DPF3: variants seen among roughly 807,000 people sequenced by gnomAD.
DPF3 encodes double PHD fingers 3.
Under a neutral mutation model 56.8 loss-of-function variants are expected in DPF3, and 18 were observed. That is an observed-to-expected ratio of 0.32 (90% confidence interval 0.22 to 0.47). The LOEUF (loss-of-function observed/expected upper bound fraction) is 0.47. Among genes scored for constraint, DPF3 ranks in the 20% least tolerant of loss-of-function variants. The pLI is 1.00. For missense variants in DPF3, 403 were observed against 488.8 expected (o/e 0.82, Z 1.65); for synonymous variants, 188 against 180.2 (o/e 1.04, Z -0.35).
chr14:72,746,483 T>G (rs1231012729), intron 3 of DPF3, among the ~76,000 whole-genome samples: 1 of 152,198 alleles, frequency 6.6e-6, no homozygotes, highest in Non-Finnish European at 1.5e-5. Context: ...GTTGTTTCTG[T>G]GTTTTTAGCA....
chr14:72,694,533 T>C (rs764675972), intron 6 of DPF3, among the ~76,000 whole-genome samples: 1 of 152,258 alleles, frequency 6.6e-6, no homozygotes, highest in African/African-American at 2.4e-5. Flanking sequence ...AGTCATCTTA[T>C]CCAATACCCT....
chr14:72,685,530 G>GA (rs796800828), intron 7 of DPF3, among the ~76,000 whole-genome samples: 1 of 152,164 alleles, frequency 6.6e-6, no homozygotes, highest in Non-Finnish European at 1.5e-5. Flanking sequence ...AACAAGGCAG[G>GA]AAAAATCAAA....
intron 1 of DPF3, chr14:72,892,587 T>C: frequency 3.2e-6 from 4 of 1,262,794 alleles, no homozygotes; most frequent in Non-Finnish European, 4.0e-6. Context: ...AGGAACCCCC[T>C]ACCGTCCCCG....
At chr14:72,639,198 A>G (rs1169735795) in intron 8 of DPF3, among the ~76,000 whole-genome samples, 3 of 152,218 alleles carry the variant, frequency 2.0e-5, no homozygotes, top group African/African-American at 7.2e-5. Flanking sequence ...TAGAAAAATA[A>G]TTCCACTTAA....
At chr14:72,689,256 A>G (rs1038095331) in intron 7 of DPF3, among the ~76,000 whole-genome samples, 5 of 152,154 alleles carry the variant, frequency 3.3e-5, no homozygotes, top group African/African-American at 1.2e-4. Context: ...AAAGGTCGCT[A>G]CTGCTGCAGG....
At chr14:72,651,171 C>T (rs1885896633) in intron 8 of DPF3, among the ~76,000 whole-genome samples, 1 of 152,228 alleles carries the variant, frequency 6.6e-6, no homozygotes, top group Admixed American at 6.5e-5. Context: ...TGCAGCATGG[C>T]CCTGGCCCCT....
chr14:72,736,638 G>A (rs1889903835), intron 3 of DPF3, among the ~76,000 whole-genome samples: 1 of 152,098 alleles, frequency 6.6e-6, no homozygotes, highest in African/African-American at 2.4e-5. Context: ...CCAGAATGAA[G>A]GAGGAAGAAA....
At position 72,619,894 on chromosome 14, in the gene DPF3, C is replaced by A; in HGVS notation, c.1066+9G>T. The A allele has an allele frequency of 6.5e-7, 1 of 1,528,308 alleles. No individual in the cohort carries two copies. 94.7% of individuals were successfully genotyped at this position (1,528,308 alleles called of 1,614,324 possible). On this transcript the variant is annotated intron_variant, in intron 10 of 10. Transcript: ENST00000556509. ...TTGCTGTTCTTATTGTTGACTTCAT[C>A]ATCATTACCTTCTGGGGGCTCAGCC...
At chr14:72,763,426 A>G (rs1236158089) in intron 2 of DPF3, among the ~76,000 whole-genome samples, 5 of 152,164 alleles carry the variant, frequency 3.3e-5, no homozygotes, top group Non-Finnish European at 7.4e-5. Context: ...AACAGAACTG[A>G]GAGTCCAGAA....
In DPF3 at chr14:72,617,995, G is replaced by A. The variant is rs1379853982; in HGVS notation, c.*1302C>T. ...CAGCCCAATCCGCTCCAGCCCTCGGGGCTATCTTCCAACACACAGAGTTCT... is the reference window on the plus strand; with the variant it reads ...CAGCCCAATCCGCTCCAGCCCTCGGAGCTATCTTCCAACACACAGAGTTCT... On this transcript the variant is annotated 3_prime_UTR_variant, in exon 11 of 11. Transcript: ENST00000556509. Among the ~76,000 whole-genome samples, 1 of 151,940 alleles carries A rather than the reference G, an allele frequency of 6.6e-6. No individual in the cohort carries two copies. Among genetic ancestry groups the A allele is most frequent in the Non-Finnish European group, 1.5e-5 (1 of 68,002 alleles).
At chr14:72,659,292 C>T (rs775244731) in intron 8 of DPF3, among the ~76,000 whole-genome samples, 40 of 152,206 alleles carry the variant, frequency 2.6e-4, no homozygotes, top group Non-Finnish European at 2.5e-4. Flanking sequence ...TACATGTTTC[C>T]GAGTGGATGA....
At chr14:72,807,276 A>G (rs1016098486) in intron 1 of DPF3, among the ~76,000 whole-genome samples, 2 of 152,256 alleles carry the variant, frequency 1.3e-5, no homozygotes, top group Admixed American at 6.5e-5. Context: ...TTTCCCATCA[A>G]TAAAATGAGA....
chr14:72,810,652 T>C (rs912094038), intron 1 of DPF3, among the ~76,000 whole-genome samples: 5 of 152,050 alleles, frequency 3.3e-5, no homozygotes, highest in Admixed American at 6.5e-5. Flanking sequence ...AATCCAAGAA[T>C]GGCAGTAGAA....
chr14:72,640,363 G>A (rs8010472), intron 8 of DPF3, among the ~76,000 whole-genome samples: 6,818 of 152,292 alleles, frequency 0.045, 537 homozygotes, highest in African/African-American at 0.16. Flanking sequence ...GAAGGCAGAT[G>A]TGTTGGAGAT....
chr14:72,724,777 C>T (rs1041483007), intron 4 of DPF3, among the ~76,000 whole-genome samples: 3 of 150,962 alleles, frequency 2.0e-5, no homozygotes, highest in Non-Finnish European at 2.9e-5. Flanking sequence ...GGCACAATCA[C>T]GGCTCAATGC....
At chr14:72,716,635 A>C (rs1236240075) in intron 5 of DPF3, among the ~76,000 whole-genome samples, 4 of 152,046 alleles carry the variant, frequency 2.6e-5, no homozygotes, top group Non-Finnish European at 5.9e-5. Flanking sequence ...CATGGTGGAG[A>C]CCATGTTTAT....
chr14:72,756,807 T>TGAAA lies in DPF3; in HGVS notation c.194-3440_194-3437dup, dbSNP rs1292830444. Among the ~76,000 whole-genome samples the TGAAA allele has an allele frequency of 4.2e-3, 368 of 87,014 alleles. 2 individuals are homozygous for TGAAA. Among genetic ancestry groups the TGAAA allele is most frequent in the African/African-American group, 0.013 (303 of 22,638 alleles). 57.1% of individuals were successfully genotyped at this position (87,014 alleles called of 152,430 possible). Reference sequence around the variant, plus strand: ...GCCTATATGACAGAGCAAGATTCTGTGAAAGAAAGAAAGACAGAAAGAAAG... The same window carrying TGAAA: ...GCCTATATGACAGAGCAAGATTCTGTGAAAGAAAGAAAGAAAGACAGAAAGAAAG... On this transcript the variant is annotated intron_variant, in intron 2 of 10. Coordinates refer to ENST00000556509, the MANE Select transcript of DPF3 (RefSeq NM_001280542.3).
intron 1 of DPF3, among the ~76,000 whole-genome samples, chr14:72,830,711 G>T (rs1884016533): frequency 6.6e-6 from 1 of 152,130 alleles, no homozygotes; most frequent in Non-Finnish European, 1.5e-5. Context: ...ACAAATTAAT[G>T]ACTGCTACCC....
In DPF3 at chr14:72,674,335, T is replaced by A; in HGVS notation, c.776A>T (p.Asn259Ile). 6.2e-7 allele frequency: 1 copy of A among 1,613,028 alleles called. No individual in the cohort carries two copies. Among genetic ancestry groups the A allele is most frequent in the Non-Finnish European group, 8.5e-7 (1 of 1,179,626 alleles). The change falls in exon 8 of 11, where the codon AAT becomes ATT. Residue 259 changes from asparagine to isoleucine, a missense_variant. Around this residue, in one of 2 missense-constraint regions of DPF3, gnomAD observed 340 missense variants for 374.3 expected, o/e 0.91. Transcript: ENST00000556509. ...CCCCAAGCAGAAGTCACAGTAGTTA[T>A]TGGGAATGACTGTTCCATCCGGTCC... is the stretch of plus-strand genomic sequence containing the variant. ...QKGPDGTVIP[N>I]NYCDFCLGGS...
Sources: allele counts gnomAD v4.1 joint callset (sites outside exome capture counted in the v4.1 genomes callset), GRCh38; gene constraint gnomAD v4.1.1; regional missense constraint gnomAD v4.1.1; transcripts MANE v1.5; gene names NCBI Gene and HGNC (gene_info 2026-07-23, HGNC 2026-07-21).